The following ZFPM1 variants were observed in gnomAD, a reference collection of about 807,000 sequenced individuals.
The protein encoded by ZFPM1 is zinc finger protein, FOG family member 1.
ZFPM1 carries 28 observed loss-of-function variants against 46.3 expected under a neutral mutation model. The ratio of observed to expected loss-of-function variants is 0.60; its 90% CI spans 0.45 to 0.83. The LOEUF (loss-of-function observed/expected upper bound fraction) is 0.83, where lower values mean the gene tolerates loss of function less well. Ranked by LOEUF, ZFPM1 falls within the 40% of genes least tolerant of loss-of-function variation. The probability of loss-of-function intolerance (pLI) is 0.00; values close to 1 mark genes in which losing one functional copy is unlikely to be tolerated. For synonymous variants in ZFPM1, 957 were observed against 675.9 expected (o/e 1.42, Z -6.45); for missense variants, 1,878 against 1,432.4 (o/e 1.31, Z -5.02).
At chr16:88,454,972 T>C (rs923894969) in intron 1 of ZFPM1, among the ~76,000 whole-genome samples, 5 of 152,144 alleles carry the variant, frequency 3.3e-5, no homozygotes, top group Non-Finnish European at 5.9e-5. Context: ...ATGAACCGGT[T>C]CCCGTAACCC....
chr16:88,464,988 G>C (rs1196555327), intron 1 of ZFPM1, among the ~76,000 whole-genome samples: 1 of 143,224 alleles, frequency 7.0e-6, no homozygotes, highest in East Asian at 2.3e-4. Flanking sequence ...AAAGTGTCTG[G>C]ATTTCTTGAT....
chr16:88,473,798 A>G (rs1434246829), intron 1 of ZFPM1, among the ~76,000 whole-genome samples: 1 of 152,090 alleles, frequency 6.6e-6, no homozygotes, highest in Non-Finnish European at 1.5e-5. Context: ...CCTGCCACAC[A>G]TATGGCCTGA....
At chr16:88,527,586 A>T (rs1457616098) in intron 5 of ZFPM1, among the ~76,000 whole-genome samples, 2 of 151,932 alleles carry the variant, frequency 1.3e-5, no homozygotes, top group Non-Finnish European at 2.9e-5. Flanking sequence ...CCCCAGGTGA[A>T]CAAGCCGGCC....
intron 5 of ZFPM1, among the ~76,000 whole-genome samples, 186 bp from the exon 6 acceptor site, chr16:88,527,846 C>T (rs911018150): frequency 4.6e-5 from 7 of 151,016 alleles, no homozygotes; most frequent in African/African-American, 1.5e-4. Context: ...TGGAGGCAGG[C>T]AGGCTGTGAG....
chr16:88,473,196 A>T (rs911809997), intron 1 of ZFPM1, among the ~76,000 whole-genome samples: 2 of 152,256 alleles, frequency 1.3e-5, no homozygotes, highest in African/African-American at 4.8e-5. Context: ...GGGTCTGGAC[A>T]CTAGGGTCCC....
chr16:88,453,734 A>G, intron 1 of ZFPM1, 56 bp downstream of exon 1: 1 of 1,088,584 alleles, frequency 9.2e-7, no homozygotes, highest in Non-Finnish European at 1.1e-6. Flanking sequence ...GCCGGAGCCC[A>G]GCCGCCAGCG....
intron 3 of ZFPM1, among the ~76,000 whole-genome samples, chr16:88,511,368 G>C (rs547051160): frequency 1.3e-5 from 2 of 152,110 alleles, no homozygotes; most frequent in East Asian, 3.8e-4. Flanking sequence ...AGCCTCGCCG[G>C]GCCCCAGGCT....
intron 3 of ZFPM1, among the ~76,000 whole-genome samples, chr16:88,489,735 C>G (rs1200018891): frequency 1.3e-5 from 2 of 152,222 alleles, no homozygotes; most frequent in African/African-American, 4.8e-5. Context: ...AGTTCTGACC[C>G]CAGAAGTCCC....
At chr16:88,500,746 G>A (rs1167081155) in intron 3 of ZFPM1, among the ~76,000 whole-genome samples, 1 of 152,240 alleles carries the variant, frequency 6.6e-6, no homozygotes, top group African/African-American at 2.4e-5. Context: ...GTGAGACGTG[G>A]ACAGGACAGT....
rs1912838550 is a variant in ZFPM1 at position 88,532,170 on chromosome 16, T to C, written c.881T>C (p.Phe294Ser). The change falls in exon 7 of 10, where the codon TTC (phenylalanine) becomes TCC (serine). Residue 294 changes from phenylalanine (F) to serine (S), a missense_variant. By Grantham distance (155) the Phe-to-Ser change is radical. Transcript: ENST00000319555. The part of the protein sequence containing the change: ...ETYPNERVCP[F>S]PQCRKSCPSA... ...TACCCCAACGAGCGCGTCTGCCCCT[T>C]CCCCCAGTGCCGCAAGAGCTGCCCC... 6.2e-7 allele frequency: 1 copy of C among 1,611,708 alleles called. No homozygotes were observed.
At position 88,461,220 on chromosome 16, in the gene ZFPM1, G is replaced by GC. The variant is rs1216810173; in HGVS notation, c.40+7544dup. 8.4e-3 allele frequency among the ~76,000 whole-genome samples: 977 copies of GC among 116,036 alleles called. 43 individuals are homozygous for GC. Among genetic ancestry groups the GC allele is most frequent in the African/African-American group, 0.011 (261 of 23,320 alleles). 76.1% of individuals were successfully genotyped at this position (116,036 alleles called of 152,430 possible). A position where few individuals can be genotyped will look rare whatever the true frequency, so the allele number is the denominator to read the frequency against. On this transcript the variant is annotated intron_variant, in intron 1 of 9. Coordinates refer to ENST00000319555, the MANE Select transcript of ZFPM1 (RefSeq NM_153813.3). ...CCTGGTGAGGACCCAGGGGCGGGAGGCCTGGTGAGGACCCAGGGGTGGGGC... is the reference window on the plus strand; with the variant it reads ...CCTGGTGAGGACCCAGGGGCGGGAGGCCCTGGTGAGGACCCAGGGGTGGGGC...
At chr16:88,509,963 G>A (rs1048962852) in intron 3 of ZFPM1, among the ~76,000 whole-genome samples, 2 of 152,100 alleles carry the variant, frequency 1.3e-5, no homozygotes, top group African/African-American at 4.8e-5. Flanking sequence ...GGCCTCGGGG[G>A]CAGAGCCAGA....
At position 88,471,945 on chromosome 16, in the gene ZFPM1, G is replaced by A. The variant is rs1908442182; in HGVS notation, c.41-13994G>A. Among the ~76,000 whole-genome samples, 2 of 152,244 alleles carry A rather than the reference G, an allele frequency of 1.3e-5. No individual in the cohort carries two copies. Among genetic ancestry groups the A allele is most frequent in the African/African-American group, 4.8e-5 (2 of 41,470 alleles). On this transcript the variant is annotated intron_variant, in intron 1 of 9. Transcript: ENST00000319555. The surrounding 1 kb of genome is among the most constrained non-coding windows in gnomAD (Gnocchi z 4.1). ...GAGCCTTGGGTGGGCCGGGGCAGGG[G>A]CCGTGTGGTCTGCAGGGAGTGGAGC...
chr16:88,533,320 G>A lies in ZFPM1; in HGVS notation c.1362G>A (p.Glu454=). 6.5e-7 allele frequency: 1 copy of A among 1,531,776 alleles called. No individual in the cohort carries two copies. 94.9% of individuals were successfully genotyped at this position (1,531,776 alleles called of 1,614,324 possible). A position where few individuals can be genotyped will look rare whatever the true frequency, so the allele number is the denominator to read the frequency against. ...EPLAQNGGSS[E]PPAAPRSIKV... ...TGGCCCAGAATGGAGGCAGCAGCGAGCCCCCGGCGGCCCCCAGGAGCATCA... is the reference window on the plus strand; with the variant it reads ...TGGCCCAGAATGGAGGCAGCAGCGAACCCCCGGCGGCCCCCAGGAGCATCA... The change falls in exon 10 of 10, where the codon GAG becomes GAA. Residue 454 remains glutamate (E), a synonymous_variant. Transcript: ENST00000319555.
chr16:88,518,919 G>A (rs1297591188), intron 4 of ZFPM1, among the ~76,000 whole-genome samples: 1 of 147,478 alleles, frequency 6.8e-6, no homozygotes, highest in Non-Finnish European at 1.5e-5. Context: ...TGGATAGTGG[G>A]TAGATGGATG....
chr16:88,490,210 T>G (rs963441749), intron 3 of ZFPM1, among the ~76,000 whole-genome samples: 2 of 152,118 alleles, frequency 1.3e-5, no homozygotes, highest in South Asian at 2.1e-4. Flanking sequence ...CCTGCCACCA[T>G]GCCCGGCTAA....
chr16:88,478,269 T>C (rs1156389257), intron 1 of ZFPM1, among the ~76,000 whole-genome samples: 1 of 152,138 alleles, frequency 6.6e-6, no homozygotes, highest in Non-Finnish European at 1.5e-5. Context: ...AGGGCTCTGC[T>C]CTAGTAAGCC....
intron 3 of ZFPM1, among the ~76,000 whole-genome samples, chr16:88,498,866 G>A (rs1360674694): frequency 1.3e-5 from 2 of 152,202 alleles, no homozygotes; most frequent in Non-Finnish European, 1.5e-5. Flanking sequence ...GGACACCTTG[G>A]CTGCCCCTGG....
chr16:88,459,282 C>T lies in ZFPM1; in HGVS notation c.40+5604C>T, dbSNP rs115560505. ...TCCCGTCCCCACAGAGTGGGCCTCC[C>T]GGAACTCTGTCAGATAAATGACCAG... On this transcript the variant is annotated intron_variant, in intron 1 of 9. Transcript: ENST00000319555. Among the ~76,000 whole-genome samples the T allele has an allele frequency of 8.0e-3, 1,220 of 152,250 alleles. 17 individuals carry two copies. Among genetic ancestry groups the T allele is most frequent in the African/African-American group, 0.028 (1,154 of 41,522 alleles).
Sources: allele counts gnomAD v4.1 joint callset (sites outside exome capture counted in the v4.1 genomes callset), GRCh38; gene constraint gnomAD v4.1.1; non-coding constraint Gnocchi (gnomAD v3.1); transcripts MANE v1.5; gene names NCBI Gene and HGNC (gene_info 2026-07-23, HGNC 2026-07-21).